Variants in DYNC2I1 observed in about 807,000 individuals in gnomAD.
The protein encoded by DYNC2I1 is cytoplasmic dynein 2 intermediate chain 1.
Under a neutral mutation model 133.4 loss-of-function variants are expected in DYNC2I1, and 89 were observed. The ratio of observed to expected loss-of-function variants is 0.67; its 90% CI spans 0.56 to 0.80. The LOEUF (loss-of-function observed/expected upper bound fraction) is 0.80. Ranked by LOEUF, DYNC2I1 falls within the 30% of genes least tolerant of loss-of-function variation. DYNC2I1 has a pLI of 0.00. For synonymous variants in DYNC2I1, 504 were observed against 484.3 expected, an observed-to-expected ratio of 1.04 and a Z score of -0.54; for missense variants, 1,291 against 1,314.5, an observed-to-expected ratio of 0.98 and a Z score of 0.28.
At chr7:158,917,651 C>T (rs1848600794) in intron 14 of DYNC2I1, among the ~76,000 whole-genome samples, 1 of 146,122 alleles carries the variant, frequency 6.8e-6, no homozygotes, top group African/African-American at 2.7e-5. Context: ...CTCCGCCTCT[C>T]GCTAAACACC....
rs376899029 is a variant in DYNC2I1 at position 158,879,431 on chromosome 7, C to T, written c.574-253C>T. ...CTGCATATAACCTACGCCCTTCCAC[C>T]GGGATGCTTTAAATCGTCTCTATAT... On this transcript the variant is annotated intron_variant, in intron 4 of 24. Coordinates refer to ENST00000407559, the MANE Select transcript of DYNC2I1 (RefSeq NM_018051.5). 4.6e-5 allele frequency among the ~76,000 whole-genome samples: 7 copies of T among 152,012 alleles called. No homozygotes were observed. The East Asian group carries it at 7.7e-4, about 17-fold the overall frequency.
In DYNC2I1 at chr7:158,934,228, G is replaced by GTGCCAAT; in HGVS notation, c.2646_2646+1insTGCCAAT (p.Gly883CysfsTer33). ...ATCACTTTATTATTGGCACAGACAT[G>GTGCCAAT]GTGAGTAGTATTTTAAATTTAATCC... is the stretch of plus-strand genomic sequence containing the variant. On this transcript the variant is annotated frameshift_variant and splice_region_variant. Coordinates refer to ENST00000407559, the MANE Select transcript of DYNC2I1 (RefSeq NM_018051.5). LOFTEE classifies it high-confidence loss of function. 1 of 1,603,252 alleles carries GTGCCAAT rather than the reference G, an allele frequency of 6.2e-7. No individual in the cohort carries two copies. Among genetic ancestry groups the GTGCCAAT allele is most frequent in the Non-Finnish European group, 8.5e-7 (1 of 1,175,966 alleles).
intron 8 of DYNC2I1, among the ~76,000 whole-genome samples, chr7:158,894,137 G>GCATATCCTACCGCATATCCTACCA (rs1554455833): frequency 1.4e-3 from 213 of 151,578 alleles, no homozygotes; most frequent in Middle Eastern, 3.5e-3. Flanking sequence ...ATATCATACC[G>GCATATCCTACCGCATATCCTACCA]CATATCCTAC....
At chr7:158,949,370 T>G (rs1221823006), downstream of DYNC2I1, among the ~76,000 whole-genome samples, 3 of 152,260 alleles carry the variant, frequency 2.0e-5, no homozygotes, top group Non-Finnish European at 4.4e-5. Context: ...TGAGCTGATC[T>G]GTCCTGGAAA....
intron 11 of DYNC2I1, among the ~76,000 whole-genome samples, chr7:158,908,395 A>G (rs994235238): frequency 6.6e-6 from 1 of 152,228 alleles, no homozygotes; most frequent in South Asian, 2.1e-4. Flanking sequence ...TACCTCAAAA[A>G]TTGAATTTCT....
Position 158,911,532 on chromosome 7 carries a change from T to A in DYNC2I1, c.1461-18T>A, listed in dbSNP as rs756193019. On this transcript the variant is annotated intron_variant, in intron 11 of 24. Transcript: ENST00000407559. ...TTATTCGAGTTAATTTTTGTCTTGT[T>A]TCCAATTTATTTCAAAGGATGCGAA... The A allele has an allele frequency of 1.9e-6, 3 of 1,608,758 alleles. No homozygotes were observed. Among genetic ancestry groups the A allele is most frequent in the Non-Finnish European group, 2.5e-6 (3 of 1,178,340 alleles).
chr7:158,934,161 C>T lies in DYNC2I1; in HGVS notation c.2579C>T (p.Thr860Ile). Reference sequence around the variant, plus strand: ...CATAAAGGTAATGAATTTTGGGGCACTACACAAACACTGAATGTTAAATTT... The same window carrying T: ...CATAAAGGTAATGAATTTTGGGGCATTACACAAACACTGAATGTTAAATTT... The part of the protein sequence containing the change: ...LSHKGNEFWG[T>I]TQTLNVKFLP... Residue 860 changes from threonine (T) to isoleucine (I), a missense_variant, in exon 22 of 25, where the codon ACT (threonine) becomes ATT (isoleucine). Physicochemically the swap from Thr to Ile is moderately conservative, Grantham distance 89 (BLOSUM62 -1). Coordinates refer to ENST00000407559, the MANE Select transcript of DYNC2I1 (RefSeq NM_018051.5). 4 of 1,612,412 alleles carry T rather than the reference C, an allele frequency of 2.5e-6. No individual in the cohort carries two copies. The highest frequency in any genetic ancestry group is 2.2e-5 in the East Asian group (1 of 44,846).
intron 5 of DYNC2I1, among the ~76,000 whole-genome samples, chr7:158,881,534 A>G (rs1444593284): frequency 6.6e-6 from 1 of 152,024 alleles, no homozygotes; most frequent in Non-Finnish European, 1.5e-5. Context: ...GCTCACTGCA[A>G]CCTTGGCCTC....
At chr7:158,944,643 AG>A (rs1299007962) in intron 24 of DYNC2I1, among the ~76,000 whole-genome samples, 6 of 152,080 alleles carry the variant, frequency 3.9e-5, no homozygotes, top group Middle Eastern at 3.2e-3. Context: ...GTGAGCAGGG[AG>A]GGGGTGCACT....
At chr7:158,914,439 A>G (rs1585137337) in intron 14 of DYNC2I1, 118 bp downstream of exon 14, 1 of 752,152 alleles carries the variant, frequency 1.3e-6, no homozygotes, top group South Asian at 2.2e-5. Context: ...AATCAGAATC[A>G]GTTATTCATT....
chr7:158,947,609 A>G (rs1230085262), downstream of DYNC2I1, among the ~76,000 whole-genome samples: 1 of 152,150 alleles, frequency 6.6e-6, no homozygotes, highest in Admixed American at 6.5e-5. Context: ...CTCCTGAGTT[A>G]TGTGCCCGGT....
intron 23 of DYNC2I1, among the ~76,000 whole-genome samples, chr7:158,937,127 C>G (rs1003282286): frequency 6.6e-6 from 1 of 152,280 alleles, no homozygotes; most frequent in East Asian, 1.9e-4. Flanking sequence ...TAAGGAAACT[C>G]TGTGATCTCC....
chr7:158,946,803 C>T (rs368008885), downstream of DYNC2I1, among the ~76,000 whole-genome samples: 88 of 152,340 alleles, frequency 5.8e-4, no homozygotes, highest in African/African-American at 2.0e-3. Flanking sequence ...TTCCCAGCAC[C>T]GTTGGCCATC....
Position 158,883,382 on chromosome 7 carries a change from A to ATT in DYNC2I1, c.880-1169_880-1168dup, listed in dbSNP as rs201088546. Among the ~76,000 whole-genome samples the ATT allele has an allele frequency of 2.9e-3, 396 of 134,720 alleles. 2 individuals are homozygous for ATT. Among genetic ancestry groups the ATT allele is most frequent in the Middle Eastern group, 8.1e-3 (2 of 248 alleles). 88.4% of individuals were successfully genotyped at this position (134,720 alleles called of 152,430 possible). A position where few individuals can be genotyped will look rare whatever the true frequency, so the allele number is the denominator to read the frequency against. The stretch of plus-strand genomic sequence containing the variant: ...ACAGGTGTGCATCTGGCTTATTATT[A>ATT]TTTTTTTTTTTTTTGTATTTTTAGT... On this transcript the variant is annotated intron_variant, in intron 5 of 24. Transcript: ENST00000407559.
chr7:158,865,403 T>G (rs1402698026), intron 1 of DYNC2I1, among the ~76,000 whole-genome samples: 1 of 152,218 alleles, frequency 6.6e-6, no homozygotes, highest in Non-Finnish European at 1.5e-5. Flanking sequence ...AGAATTTTGT[T>G]ATGAAAAGGT....
chr7:158,870,056 G>C, intron 2 of DYNC2I1, 148 bp downstream of exon 2: 1 of 666,696 alleles, frequency 1.5e-6, no homozygotes, highest in Non-Finnish European at 2.5e-6. Flanking sequence ...AAGGTGTACG[G>C]CTAACAATCC....
chr7:158,912,966 G>A lies in DYNC2I1; in HGVS notation c.1591-19G>A. 1 of 1,559,544 alleles carries A rather than the reference G, an allele frequency of 6.4e-7. No homozygotes were observed. The highest frequency in any genetic ancestry group is 8.7e-7 in the Non-Finnish European group (1 of 1,143,980). On this transcript the variant is annotated intron_variant, in intron 12 of 24. Transcript: ENST00000407559. ...GAAATTGAAACCAATGTTAATTTTGGCATATTTTTGTTTTTAAGGCATATG... is the reference window on the plus strand; with the variant it reads ...GAAATTGAAACCAATGTTAATTTTGACATATTTTTGTTTTTAAGGCATATG...
At chr7:158,870,401 C>T (rs969706479) in intron 2 of DYNC2I1, among the ~76,000 whole-genome samples, 8 of 151,944 alleles carry the variant, frequency 5.3e-5, no homozygotes, top group Non-Finnish European at 1.0e-4. Flanking sequence ...TTGCCTAGGC[C>T]GGAGTGCAGT....
At chr7:158,870,771 C>T (rs200716577) in intron 2 of DYNC2I1, among the ~76,000 whole-genome samples, 3 of 151,998 alleles carry the variant, frequency 2.0e-5, no homozygotes, top group Admixed American at 6.6e-5. Flanking sequence ...AAGTCTGGGC[C>T]GTTAGTGCTC....
Sources: allele counts gnomAD v4.1 joint callset (sites outside exome capture counted in the v4.1 genomes callset), GRCh38; gene constraint gnomAD v4.1.1; transcripts MANE v1.5; gene names NCBI Gene and HGNC (gene_info 2026-07-23, HGNC 2026-07-21).